PYGB: variants seen among roughly 807,000 people sequenced by gnomAD.
The protein encoded by PYGB is glycogen phosphorylase B, also known as glycogen phosphorylase, brain form.
In PYGB, 82 loss-of-function variants were observed where a neutral mutation model predicts 94.3. The observed-to-expected ratio is 0.87, with a 90% CI of 0.73 to 1.04. PYGB has a LOEUF of 1.04. Ranked by LOEUF, PYGB falls within the 50% of genes least tolerant of loss-of-function variation. PYGB has a pLI of 0.00. For missense variants in PYGB, 1,132 were observed against 1,158.2 expected, an observed-to-expected ratio of 0.98 and a Z score of 0.33; for synonymous variants, 488 against 479.1, an observed-to-expected ratio of 1.02 and a Z score of -0.24.
At chr20:25,274,569 C>T (rs55654244) in intron 4 of PYGB, 23 bp from the exon 5 acceptor site, 84,658 of 1,609,716 alleles carry the variant, frequency 0.053, 2,636 homozygotes, top group Non-Finnish European at 0.062. Context: ...CTGAGGGTGC[C>T]CTCACAGCTG....
In PYGB at chr20:25,248,364, C is replaced by T; in HGVS notation, c.186C>T (p.Asp62=). 1.3e-6 allele frequency: 2 copies of T among 1,597,482 alleles called. No individual in the cohort carries two copies. Among genetic ancestry groups the T allele is most frequent in the South Asian group, 1.1e-5 (1 of 88,886 alleles). The change falls in exon 1 of 20, where the codon GAC becomes GAT. Residue 62 remains aspartate, a synonymous_variant. Transcript: ENST00000216962. The part of the protein sequence containing the change: ...YFFALAHTVR[D]HLVGRWIRTQ... ...TCGCGCTGGCGCACACGGTGCGCGA[C>T]CACCTCGTGGGCCGCTGGATCCGCA...
At chr20:25,295,077 G>C (rs761512215) in intron 18 of PYGB, 1 of 1,580,398 alleles carries the variant, frequency 6.3e-7, no homozygotes, top group South Asian at 1.1e-5. Flanking sequence ...TGCATTTCGT[G>C]AAGTGTGCTT....
At chr20:25,291,789 G>C (rs960080002) in intron 16 of PYGB, among the ~76,000 whole-genome samples, 1 of 152,158 alleles carries the variant, frequency 6.6e-6, no homozygotes, top group Non-Finnish European at 1.5e-5. Flanking sequence ...GTTCTCCCCG[G>C]CAGTGTTGCT....
At chr20:25,256,013 A>T (rs2092901810) in intron 1 of PYGB, among the ~76,000 whole-genome samples, 1 of 152,196 alleles carries the variant, frequency 6.6e-6, no homozygotes, top group Non-Finnish European at 1.5e-5. Context: ...GATTATAGGC[A>T]TGAGCCATCA....
chr20:25,287,335 C>T (rs2088427113), intron 14 of PYGB, among the ~76,000 whole-genome samples: 1 of 152,220 alleles, frequency 6.6e-6, no homozygotes, highest in Non-Finnish European at 1.5e-5. Context: ...TTTGTGTCAT[C>T]CAAACAATGT....
At chr20:25,293,877 G>A in intron 17 of PYGB, 1 of 467,364 alleles carries the variant, frequency 2.1e-6, no homozygotes, top group Non-Finnish European at 3.9e-6. Context: ...TGTGGCATCA[G>A]CCACTATGTC....
rs1411875243 is a variant in PYGB at position 25,248,278 on chromosome 20, C to T, written c.100C>T (p.Arg34Trp). 3 of 1,602,836 alleles carry T rather than the reference C, an allele frequency of 1.9e-6. No homozygotes were observed. The highest frequency in any genetic ancestry group is 2.6e-6 in the Non-Finnish European group (3 of 1,175,240). The change falls in exon 1 of 20, where the codon CGG becomes TGG. Residue 34 changes from arginine to tryptophan, a missense_variant. By Grantham distance (101) the Arg-to-Trp change is moderately radical. Coordinates refer to ENST00000216962, the MANE Select transcript of PYGB (RefSeq NM_002862.4). ...DVAEVRKSFN[R>W]HLHFTLVKDR... ...GGCCGAGGTGCGGAAGAGCTTCAACCGGCACTTGCACTTCACGCTGGTCAA... is the reference window on the plus strand; with the variant it reads ...GGCCGAGGTGCGGAAGAGCTTCAACTGGCACTTGCACTTCACGCTGGTCAA...
chr20:25,280,921 C>T, intron 10 of PYGB, 28 bp from the exon 11 acceptor site: 2 of 1,610,540 alleles, frequency 1.2e-6, no homozygotes, highest in Non-Finnish European at 1.7e-6. Flanking sequence ...CCTGTGCCCA[C>T]CCACCTGCCT....
intron 2 of PYGB, among the ~76,000 whole-genome samples, chr20:25,268,157 A>AACCCCC (rs1555806038): frequency 3.5e-5 from 1 of 28,330 alleles, no homozygotes; most frequent in African/African-American, 1.6e-4. Context: ...AAATCCTAGC[A>AACCCCC]CCCGCCCCCC....
chr20:25,248,245 G>A lies in PYGB; in HGVS notation c.67G>A (p.Gly23Ser), dbSNP rs200827384. ...QISVRGLAGLGDVAEVRKSFN... is the reference protein window; with the variant it reads ...QISVRGLAGLSDVAEVRKSFN... ...CAGCGTGCGCGGCCTGGCGGGGCTAGGCGACGTGGCCGAGGTGCGGAAGAG... is the reference window on the plus strand; with the variant it reads ...CAGCGTGCGCGGCCTGGCGGGGCTAAGCGACGTGGCCGAGGTGCGGAAGAG... The change falls in exon 1 of 20, where the codon GGC becomes AGC. Residue 23 changes from glycine to serine, a missense_variant. Coordinates refer to ENST00000216962, the MANE Select transcript of PYGB (RefSeq NM_002862.4). The A allele has an allele frequency of 3.9e-5, 63 of 1,596,810 alleles. No homozygotes were observed. The highest frequency in any genetic ancestry group is 1.7e-4 in the Middle Eastern group (1 of 6,050).
chr20:25,287,606 C>T (rs754689049), intron 14 of PYGB, among the ~76,000 whole-genome samples: 3 of 152,214 alleles, frequency 2.0e-5, no homozygotes, highest in African/African-American at 4.8e-5. Context: ...ACCCGGATTA[C>T]ACCACAGTAC....
At chr20:25,259,414 G>T in intron 2 of PYGB, 76 bp downstream of exon 2, 1 of 1,195,002 alleles carries the variant, frequency 8.4e-7, no homozygotes, top group East Asian at 2.4e-5. Flanking sequence ...TCCCACAGAG[G>T]TGAGCCCTGA....
intron 4 of PYGB, 34 bp from the exon 5 acceptor site, chr20:25,274,558 G>A (rs369733817): frequency 1.8e-5 from 29 of 1,605,590 alleles, no homozygotes; most frequent in South Asian, 8.9e-5. Flanking sequence ...GGACATCTGC[G>A]CTGAGGGTGC....
rs1305367223 is a variant in PYGB at position 25,248,363 on chromosome 20, A to C, written c.185A>C (p.Asp62Ala). Residue 62 changes from aspartate (D) to alanine (A), a missense_variant, in exon 1 of 20, where the codon GAC becomes GCC. Asp to Ala is a moderately radical substitution (Grantham distance 126). Transcript: ENST00000216962. ...YFFALAHTVRDHLVGRWIRTQ... is the reference protein window; with the variant it reads ...YFFALAHTVRAHLVGRWIRTQ... ...TTCGCGCTGGCGCACACGGTGCGCG[A>C]CCACCTCGTGGGCCGCTGGATCCGC... The C allele has an allele frequency of 3.1e-6, 5 of 1,597,520 alleles. No homozygotes were observed. Among genetic ancestry groups the C allele is most frequent in the Non-Finnish European group, 4.3e-6 (5 of 1,173,210 alleles).
At position 25,278,272 on chromosome 20, in the gene PYGB, G is replaced by C. The variant is rs982595760; in HGVS notation, c.856-47G>C. ...TCGCTGACCTGGGCTTCCTGGGGGA[G>C]GAGAATGGCCCAGCCTGCACCCTCC... On this transcript the variant is annotated intron_variant, in intron 7 of 19. Transcript: ENST00000216962. 3 of 1,589,290 alleles carry C rather than the reference G, an allele frequency of 1.9e-6. No individual in the cohort carries two copies. The South Asian group carries it at 3.4e-5, about 18-fold the overall frequency.
intron 15 of PYGB, 93 bp downstream of exon 15, chr20:25,288,576 A>G: frequency 6.9e-7 from 1 of 1,440,790 alleles, no homozygotes; most frequent in African/African-American, 1.4e-5. Flanking sequence ...CACCACATCC[A>G]TACTCGGGAA....
chr20:25,286,119 G>A (rs181275953), intron 14 of PYGB, among the ~76,000 whole-genome samples: 28 of 152,374 alleles, frequency 1.8e-4, no homozygotes, highest in Admixed American at 1.8e-3. Flanking sequence ...TCATTGCCGT[G>A]TCTTGGTGTT....
chr20:25,287,406 A>G (rs2088427591), intron 14 of PYGB, among the ~76,000 whole-genome samples: 1 of 152,224 alleles, frequency 6.6e-6, no homozygotes, highest in African/African-American at 2.4e-5. Flanking sequence ...GTGATTTGGG[A>G]GGCTGAGGCC....
intron 1 of PYGB, among the ~76,000 whole-genome samples, chr20:25,255,077 T>A (rs994259186): frequency 4.6e-5 from 7 of 152,196 alleles, no homozygotes; most frequent in African/African-American, 1.7e-4. Context: ...GGCAGTTAAT[T>A]CATTAAGAAA....
Sources: allele counts gnomAD v4.1 joint callset (sites outside exome capture counted in the v4.1 genomes callset), GRCh38; gene constraint gnomAD v4.1.1; transcripts MANE v1.5; gene names NCBI Gene and HGNC (gene_info 2026-07-23, HGNC 2026-07-21).